The following NXPH1 variants were observed in gnomAD, a reference collection of about 807,000 sequenced individuals.
The protein encoded by NXPH1 is neurexophilin-1.
NXPH1 carries 5 observed loss-of-function variants against 23.7 expected under a neutral mutation model. The observed-to-expected ratio is 0.21, with a 90% CI of 0.11 to 0.44. NXPH1 has a LOEUF of 0.44. NXPH1 is among the 20% of genes least tolerant of loss of function. NXPH1 has a pLI of 0.99. For missense variants in NXPH1, 324 were observed against 321.6 expected (o/e 1.01, Z -0.06); for synonymous variants, 144 against 122.2 (o/e 1.18, Z -1.18).
chr7:8,503,750 A>G (rs1239391388), intron 2 of NXPH1, among the ~76,000 whole-genome samples: 1 of 151,952 alleles, frequency 6.6e-6, no homozygotes, highest in Admixed American at 6.6e-5. Flanking sequence ...TTTCTTGCCT[A>G]TGAACACGGC....
At chr7:8,439,361 G>T (rs1368110404) in intron 2 of NXPH1, among the ~76,000 whole-genome samples, 2 of 152,282 alleles carry the variant, frequency 1.3e-5, no homozygotes, top group East Asian at 3.9e-4. Flanking sequence ...CTCCCACAGG[G>T]TGTGGCATTC....
intron 2 of NXPH1, among the ~76,000 whole-genome samples, chr7:8,524,261 AAAAGG>A (rs1305032807): frequency 2.6e-5 from 4 of 151,548 alleles, no homozygotes; most frequent in African/African-American, 9.7e-5. Flanking sequence ...AAAAAAAAAA[AAAAGG>A]AAAGCTATTT....
At chr7:8,551,557 T>C (rs151180474) in intron 2 of NXPH1, among the ~76,000 whole-genome samples, 1 of 151,644 alleles carries the variant, frequency 6.6e-6, no homozygotes, top group East Asian at 2.0e-4. Flanking sequence ...AAATACTGTG[T>C]TTAAATAAAA....
At chr7:8,750,761 G>A (rs753209914) in intron 2 of NXPH1, among the ~76,000 whole-genome samples, 18 of 151,944 alleles carry the variant, frequency 1.2e-4, no homozygotes, top group Non-Finnish European at 2.5e-4. Flanking sequence ...AAATATAAGT[G>A]GTGTTTTATC....
intron 2 of NXPH1, among the ~76,000 whole-genome samples, chr7:8,528,175 A>G (rs1365721814): frequency 6.6e-6 from 1 of 152,230 alleles, no homozygotes; most frequent in African/African-American, 2.4e-5. Flanking sequence ...GAAGGGAGCA[A>G]AGGCTTATCT....
intron 2 of NXPH1, among the ~76,000 whole-genome samples, chr7:8,465,311 A>G (rs1816767435): frequency 1.3e-5 from 2 of 152,188 alleles, no homozygotes; most frequent in African/African-American, 2.4e-5. Flanking sequence ...TGATCTATAT[A>G]AAGAATTTAG....
chr7:8,713,983 C>T (rs1483107113), intron 2 of NXPH1, among the ~76,000 whole-genome samples: 2 of 152,194 alleles, frequency 1.3e-5, no homozygotes, highest in Non-Finnish European at 2.9e-5. Context: ...GCCTTGAATA[C>T]TAAAAGACCT....
intron 2 of NXPH1, among the ~76,000 whole-genome samples, chr7:8,437,063 G>C (rs1391479073): frequency 2.6e-5 from 4 of 152,256 alleles, no homozygotes; most frequent in Admixed American, 2.6e-4. Context: ...TCGCCTGACC[G>C]TAGCAGCCGC....
intron 2 of NXPH1, among the ~76,000 whole-genome samples, chr7:8,672,388 T>A (rs147782326): frequency 0.018 from 2,695 of 151,972 alleles, 81 homozygotes; most frequent in African/African-American, 0.061. Context: ...AGTTAATGGG[T>A]GCAGCACACC....
At position 8,435,187 on chromosome 7, in the gene NXPH1, C is replaced by T; in HGVS notation, c.-110-417C>T. ...CTTTATCTTTCCCCTCTATCTCTCT[C>T]TGCTGGTGTGTACGTGTGTGAGCAC... On this transcript the variant is annotated intron_variant, in intron 1 of 2. Transcript: ENST00000405863. The surrounding 1 kb of genome is among the most constrained non-coding windows in gnomAD (Gnocchi z 5.9). 1 of 179,492 alleles carries T rather than the reference C, an allele frequency of 5.6e-6. No homozygotes were observed. The highest frequency in any genetic ancestry group is 1.3e-4 in the South Asian group (1 of 7,518). 11.1% of individuals were successfully genotyped at this position (179,492 alleles called of 1,614,324 possible). A position where few individuals can be genotyped will look rare whatever the true frequency, so the allele number is the denominator to read the frequency against.
intron 2 of NXPH1, among the ~76,000 whole-genome samples, chr7:8,502,672 G>C (rs1817455721): frequency 6.6e-6 from 1 of 151,750 alleles, no homozygotes; most frequent in Non-Finnish European, 1.5e-5. Flanking sequence ...GGCTGAGATA[G>C]AGCTTTCAAG....
intron 2 of NXPH1, among the ~76,000 whole-genome samples, chr7:8,671,479 A>G (rs969375455): frequency 4.6e-5 from 7 of 152,192 alleles, no homozygotes; most frequent in African/African-American, 1.4e-4. Flanking sequence ...AACATTTTAG[A>G]GCACTGGAAT....
intron 2 of NXPH1, among the ~76,000 whole-genome samples, chr7:8,698,838 C>G (rs1206941837): frequency 6.6e-6 from 1 of 152,094 alleles, no homozygotes; most frequent in African/African-American, 2.4e-5. Context: ...CATAGCTAAT[C>G]AGCCACTTGT....
At chr7:8,749,821 TC>T (rs1293101963) in intron 2 of NXPH1, among the ~76,000 whole-genome samples, 1 of 152,204 alleles carries the variant, frequency 6.6e-6, no homozygotes, top group Non-Finnish European at 1.5e-5. Flanking sequence ...CTATTTTAGT[TC>T]CCGTGGGTCC....
chr7:8,451,813 C>G (rs967571387), intron 2 of NXPH1, among the ~76,000 whole-genome samples: 1 of 152,154 alleles, frequency 6.6e-6, no homozygotes, highest in Admixed American at 6.5e-5. Flanking sequence ...TGAGAAAGGT[C>G]GATCATGAGC....
chr7:8,548,639 T>G (rs56302450), intron 2 of NXPH1, among the ~76,000 whole-genome samples: 1 of 151,498 alleles, frequency 6.6e-6, no homozygotes, highest in Non-Finnish European at 1.5e-5. Context: ...AAAGTTAGTA[T>G]TATACAGGGG....
chr7:8,444,846 T>A (rs1386424884), intron 2 of NXPH1, among the ~76,000 whole-genome samples: 1 of 152,232 alleles, frequency 6.6e-6, no homozygotes, highest in East Asian at 1.9e-4. Flanking sequence ...AGAACAAAAT[T>A]AAAAATTATG....
intron 2 of NXPH1, among the ~76,000 whole-genome samples, chr7:8,593,570 A>G (rs1819150688): frequency 6.6e-6 from 1 of 152,036 alleles, no homozygotes; most frequent in Non-Finnish European, 1.5e-5. Context: ...TGTGGGGTCA[A>G]TTAAAGGTGA....
At chr7:8,619,893 T>A (rs1242270379) in intron 2 of NXPH1, among the ~76,000 whole-genome samples, 2 of 152,186 alleles carry the variant, frequency 1.3e-5, no homozygotes, top group African/African-American at 4.8e-5. Context: ...GAGACTTGCT[T>A]CCTCAACTAC....
Sources: gnomAD v4.1 joint callset for allele counts (sites outside exome capture counted in the v4.1 genomes callset) on GRCh38, gnomAD v4.1.1 for gene constraint, Gnocchi (gnomAD v3.1) non-coding constraint, MANE v1.5 for transcripts, NCBI Gene and HGNC (gene_info 2026-07-23, HGNC 2026-07-21) for gene names.